Variants in C9 observed in about 807,000 individuals in gnomAD.
C9 encodes the protein complement C9.
In C9, 63 loss-of-function variants were observed where a neutral mutation model predicts 65.4. That is an observed-to-expected ratio of 0.96 (90% CI 0.79 to 1.19). The LOEUF (loss-of-function observed/expected upper bound fraction) is 1.19, where lower values mean the gene tolerates loss of function less well. C9 is among the 50% of genes most tolerant of loss of function. The probability of loss-of-function intolerance (pLI) is 0.00; values close to 1 mark genes in which losing one functional copy is unlikely to be tolerated. For synonymous variants in C9, 229 were observed against 227.9 expected (o/e 1.00, Z -0.04); for missense variants, 744 against 670.1 (o/e 1.11, Z -1.22).
intron 1 of C9, among the ~76,000 whole-genome samples, chr5:39,346,156 G>T (rs1304742278): frequency 6.6e-6 from 1 of 152,128 alleles, no homozygotes; most frequent in Non-Finnish European, 1.5e-5. Context: ...CAGAAGGCAA[G>T]AAATAACTAA....
intron 4 of C9, 112 bp downstream of exon 4, chr5:39,341,034 G>A (rs1366134754): frequency 4.4e-6 from 5 of 1,140,324 alleles, no homozygotes; most frequent in Non-Finnish European, 6.7e-6. Flanking sequence ...AGACCCATCA[G>A]CTGTATCACC....
Position 39,311,317 on chromosome 5 carries a change from G to T in C9, c.931C>A (p.Arg311Ser). The T allele has an allele frequency of 1.9e-6, 3 of 1,612,102 alleles. No homozygotes were observed. The highest frequency in any genetic ancestry group is 1.7e-4 in the Middle Eastern group (1 of 6,056). The change falls in exon 7 of 11, where the codon CGC (arginine) becomes AGC (serine). Residue 311 changes from arginine to serine, a missense_variant. Transcript: ENST00000263408. ...AAAGTTGTTGTGAGCACAACATCGCGATTTCTCATTACAAATCTTCCCAGA... is the reference window on the plus strand; with the variant it reads ...AAAGTTGTTGTGAGCACAACATCGCTATTTCTCATTACAAATCTTCCCAGA... Reference protein sequence around the residue: ...IHLGRFVMRNRDVVLTTTFVD... With the variant: ...IHLGRFVMRNSDVVLTTTFVD...
intron 1 of C9, among the ~76,000 whole-genome samples, chr5:39,343,856 T>TGCTGATCAGCAAAATTC (rs1358643411): frequency 1.3e-5 from 2 of 152,210 alleles, no homozygotes; most frequent in Non-Finnish European, 1.5e-5. Context: ...CAGCAACATT[T>TGCTGATCAGCAAAATTC]GCTGTTCAGC....
intron 9 of C9, among the ~76,000 whole-genome samples, chr5:39,295,192 G>A (rs1753161783): frequency 6.6e-6 from 1 of 151,766 alleles, no homozygotes. Context: ...ACATAGTACT[G>A]GAAATCCGAG....
intron 1 of C9, among the ~76,000 whole-genome samples, chr5:39,359,986 T>G (rs1471753106): frequency 1.3e-5 from 2 of 152,232 alleles, no homozygotes; most frequent in African/African-American, 4.8e-5. Context: ...TCTGTTCACT[T>G]GCATGGAATA....
chr5:39,290,490 AC>A (rs1753069567), intron 9 of C9, among the ~76,000 whole-genome samples: 3 of 151,806 alleles, frequency 2.0e-5, no homozygotes, highest in Admixed American at 6.6e-5. Context: ...AAAACAAAAA[AC>A]AAACCAAAAA....
chr5:39,350,071 G>A (rs1302903601), intron 1 of C9, among the ~76,000 whole-genome samples: 1 of 152,132 alleles, frequency 6.6e-6, no homozygotes, highest in Non-Finnish European at 1.5e-5. Context: ...AGTTCCACAG[G>A]CTGTATGGGA....
chr5:39,306,607 C>A lies in C9; in HGVS notation c.1416+10G>T, dbSNP rs1196010776. The A allele has an allele frequency of 5.0e-6, 8 of 1,603,350 alleles. No individual in the cohort carries two copies. The East Asian group carries it at 1.8e-4, about 36-fold the overall frequency. ...ACAGTCTTCTGTTTGAAAATAAACA[C>A]GTTTCTTACTTTTTGACTAATGAGA... is the stretch of plus-strand genomic sequence containing the variant. On this transcript the variant is annotated intron_variant, in intron 9 of 10. Coordinates refer to ENST00000263408, the MANE Select transcript of C9 (RefSeq NM_001737.5).
chr5:39,362,689 C>T (rs1326250321), intron 1 of C9, among the ~76,000 whole-genome samples: 1 of 152,184 alleles, frequency 6.6e-6, no homozygotes, highest in African/African-American at 2.4e-5. Context: ...GGCACCTTGA[C>T]CTGAGCCTGG....
At chr5:39,334,509 C>G (rs1488523995) in intron 4 of C9, among the ~76,000 whole-genome samples, 1 of 132,890 alleles carries the variant, frequency 7.5e-6, no homozygotes, top group Non-Finnish European at 1.5e-5. Flanking sequence ...CCACCCCGTC[C>G]GGGAGGGAGG....
At chr5:39,332,737 A>G (rs549910913) in intron 4 of C9, among the ~76,000 whole-genome samples, 1 of 152,346 alleles carries the variant, frequency 6.6e-6, no homozygotes, top group South Asian at 2.1e-4. Flanking sequence ...CCTAACTCCA[A>G]TGAACTGGAT....
intron 5 of C9, among the ~76,000 whole-genome samples, chr5:39,319,406 T>C (rs1275016524): frequency 2.0e-5 from 3 of 151,886 alleles, no homozygotes; most frequent in African/African-American, 7.3e-5. Flanking sequence ...ACAGACAAAG[T>C]TTCCAGCCTC....
intron 1 of C9, among the ~76,000 whole-genome samples, chr5:39,357,623 G>C (rs1754434046): frequency 6.6e-6 from 1 of 152,206 alleles, no homozygotes; most frequent in East Asian, 1.9e-4. Context: ...AGTTATGAAG[G>C]AAAACAAAGC....
chr5:39,329,336 G>T (rs11953839), intron 5 of C9, among the ~76,000 whole-genome samples: 1 of 152,042 alleles, frequency 6.6e-6, no homozygotes, highest in South Asian at 2.1e-4. Context: ...TTTACTGAGG[G>T]CTTGCTATAT....
In C9 at chr5:39,341,421, G is replaced by A. The variant is rs533892924; in HGVS notation, c.329-128C>T. 795 of 1,415,576 alleles carry A rather than the reference G, an allele frequency of 5.6e-4. 1 individual carries two copies. The highest frequency in any genetic ancestry group is 6.1e-4 in the Non-Finnish European group (608 of 1,001,530). 87.7% of individuals were successfully genotyped at this position (1,415,576 alleles called of 1,614,324 possible). ...AAAACACATTTGAGTTCTTTGTACA[G>A]AATATATAGATGGCCTCTTTTGGGG... On this transcript the variant is annotated intron_variant, in intron 3 of 10. Transcript: ENST00000263408.
At chr5:39,299,378 G>A (rs700201) in intron 9 of C9, among the ~76,000 whole-genome samples, 2,626 of 152,024 alleles carry the variant, frequency 0.017, 92 homozygotes, top group African/African-American at 0.06. Flanking sequence ...TATTTATAAT[G>A]GCTTTATTCA....
At chr5:39,316,791 A>G (rs948620707) in intron 5 of C9, among the ~76,000 whole-genome samples, 1 of 152,184 alleles carries the variant, frequency 6.6e-6, no homozygotes, top group Admixed American at 6.5e-5. Flanking sequence ...TATTGTGGAT[A>G]GTGCTGCAAT....
chr5:39,341,847 T>C, intron 2 of C9, 147 bp from the exon 3 acceptor site: 1 of 812,884 alleles, frequency 1.2e-6, no homozygotes, highest in South Asian at 1.5e-5. Context: ...TTATTTAGGG[T>C]AACACTCTGC....
chr5:39,299,560 A>C (rs556183409), intron 9 of C9, among the ~76,000 whole-genome samples: 2 of 152,264 alleles, frequency 1.3e-5, no homozygotes, highest in African/African-American at 4.8e-5. Context: ...GTGAATGTGG[A>C]TGGATCTCAA....
Sources: gnomAD v4.1 joint callset for allele counts (sites outside exome capture counted in the v4.1 genomes callset) on GRCh38, gnomAD v4.1.1 for gene constraint, MANE v1.5 for transcripts, NCBI Gene and HGNC (gene_info 2026-07-23, HGNC 2026-07-21) for gene names.